The following CCDC85A variants were observed in gnomAD, a reference collection of about 807,000 sequenced individuals.
The protein encoded by CCDC85A is coiled-coil domain-containing protein 85A.
CCDC85A carries 38 observed loss-of-function variants against 50.2 expected under a neutral mutation model. The ratio of observed to expected loss-of-function variants is 0.76; its 90% CI spans 0.58 to 0.99. CCDC85A has a LOEUF of 0.99. Ranked by LOEUF, CCDC85A falls within the 50% of genes least tolerant of loss-of-function variation. CCDC85A has a pLI of 0.00. For missense variants in CCDC85A, 820 were observed against 742.0 expected, an observed-to-expected ratio of 1.11 and a Z score of -1.22; for synonymous variants, 366 against 301.4, an observed-to-expected ratio of 1.21 and a Z score of -2.22.
chr2:56,260,309 T>A (rs2104019501), intron 2 of CCDC85A, among the ~76,000 whole-genome samples: 1 of 152,312 alleles, frequency 6.6e-6, no homozygotes, highest in East Asian at 1.9e-4. Flanking sequence ...TTCCCAGGGA[T>A]CTCAGCTAGA....
At chr2:56,193,501 G>T in intron 2 of CCDC85A, 61 bp downstream of exon 2, 1 of 1,487,378 alleles carries the variant, frequency 6.7e-7, no homozygotes, top group Non-Finnish European at 9.0e-7. Flanking sequence ...AGTTACGAAT[G>T]ATGATGGACT....
intron 2 of CCDC85A, among the ~76,000 whole-genome samples, chr2:56,243,026 GTTGT>G (rs1277370084): frequency 1.3e-5 from 2 of 151,640 alleles, no homozygotes; most frequent in Non-Finnish European, 2.9e-5. Context: ...TCCTTTCTGT[GTTGT>G]TTTTTTTTCT....
chr2:56,188,382 T>A (rs1465305495), intron 1 of CCDC85A, among the ~76,000 whole-genome samples: 1 of 152,204 alleles, frequency 6.6e-6, no homozygotes, highest in Non-Finnish European at 1.5e-5. Flanking sequence ...ATCTACTCCA[T>A]CTGGAGTGCT....
chr2:56,188,069 G>C (rs1294139403), intron 1 of CCDC85A, among the ~76,000 whole-genome samples: 2 of 152,174 alleles, frequency 1.3e-5, no homozygotes, highest in African/African-American at 4.8e-5. Flanking sequence ...TTGAAATTTT[G>C]GTTGGTGTGC....
At chr2:56,307,143 C>T (rs922675721) in intron 2 of CCDC85A, among the ~76,000 whole-genome samples, 2 of 152,012 alleles carry the variant, frequency 1.3e-5, no homozygotes, top group Non-Finnish European at 1.5e-5. Context: ...AGAAACAAGC[C>T]TTTATATAGA....
intron 2 of CCDC85A, among the ~76,000 whole-genome samples, chr2:56,324,705 C>G (rs1673379342): frequency 6.6e-6 from 1 of 152,002 alleles, no homozygotes; most frequent in Admixed American, 6.6e-5. Flanking sequence ...AAGTCAACTG[C>G]TTGTATTTTC....
chr2:56,287,932 C>T (rs898802071), intron 2 of CCDC85A, among the ~76,000 whole-genome samples: 4 of 152,056 alleles, frequency 2.6e-5, no homozygotes, highest in Admixed American at 6.6e-5. Context: ...TTGAGTTTTT[C>T]GTCTTCCACA....
At chr2:56,317,115 T>TCCA (rs1462387076) in intron 2 of CCDC85A, among the ~76,000 whole-genome samples, 1 of 152,082 alleles carries the variant, frequency 6.6e-6, no homozygotes, top group African/African-American at 2.4e-5. Context: ...AGTGGAAGAT[T>TCCA]TTTCTTATCA....
intron 3 of CCDC85A, among the ~76,000 whole-genome samples, chr2:56,365,526 G>A (rs539624245): frequency 3.3e-5 from 5 of 152,108 alleles, no homozygotes; most frequent in Non-Finnish European, 7.3e-5. Context: ...AAGAATGAGT[G>A]CATAGACTAG....
intron 2 of CCDC85A, among the ~76,000 whole-genome samples, chr2:56,258,176 G>T (rs547246102): frequency 1.3e-5 from 2 of 152,264 alleles, no homozygotes; most frequent in South Asian, 4.1e-4. Flanking sequence ...CAGGTAAGAG[G>T]TGGGGGAGGC....
In CCDC85A at chr2:56,385,602, G is replaced by A. The variant is rs568729956; in HGVS notation, c.*1247G>A. 5.3e-5 allele frequency: 8 copies of A among 152,238 alleles called. No individual in the cohort carries two copies. In the South Asian group the frequency reaches 1.7e-3, roughly 32 times the overall value. 9.4% of individuals were successfully genotyped at this position (152,238 alleles called of 1,614,324 possible). On this transcript the variant is annotated 3_prime_UTR_variant, in exon 6 of 6. Transcript: ENST00000407595. ...AGTTTAAGATTATAAAAGTAGAAATGCAACAATTCCCAGTTTTTGGATAGG... is the reference window on the plus strand; with the variant it reads ...AGTTTAAGATTATAAAAGTAGAAATACAACAATTCCCAGTTTTTGGATAGG...
chr2:56,242,025 A>T (rs905720731), intron 2 of CCDC85A, among the ~76,000 whole-genome samples: 1 of 152,160 alleles, frequency 6.6e-6, no homozygotes, highest in Admixed American at 6.6e-5. Flanking sequence ...AGCCATTTTA[A>T]ATAGAGTGAG....
chr2:56,338,236 G>T (rs373630178), intron 2 of CCDC85A, among the ~76,000 whole-genome samples: 1 of 152,276 alleles, frequency 6.6e-6, no homozygotes, highest in East Asian at 1.9e-4. Context: ...GGTATAAAAT[G>T]TAATGGTCAA....
chr2:56,297,376 C>T (rs1000626729), intron 2 of CCDC85A, among the ~76,000 whole-genome samples: 1 of 147,062 alleles, frequency 6.8e-6, no homozygotes, highest in African/African-American at 2.5e-5. Context: ...TCTTTGGATA[C>T]TAGTCTTTGT....
chr2:56,323,104 T>C (rs543200096), intron 2 of CCDC85A, among the ~76,000 whole-genome samples: 69 of 151,974 alleles, frequency 4.5e-4, no homozygotes, highest in African/African-American at 1.6e-3. Context: ...TGAGAACACA[T>C]GGACACAGGG....
At chr2:56,351,569 T>C (rs1454347587) in intron 3 of CCDC85A, among the ~76,000 whole-genome samples, 3 of 142,400 alleles carry the variant, frequency 2.1e-5, no homozygotes, top group South Asian at 2.3e-4. Flanking sequence ...TGGTATCTCA[T>C]TGTGGTTTTG....
chr2:56,194,414 G>C (rs1461246821), intron 2 of CCDC85A, among the ~76,000 whole-genome samples: 3 of 152,186 alleles, frequency 2.0e-5, no homozygotes, highest in Non-Finnish European at 4.4e-5. Flanking sequence ...GGTTGAGTTG[G>C]ATCTAAAACG....
At chr2:56,251,456 C>T (rs1382953872) in intron 2 of CCDC85A, among the ~76,000 whole-genome samples, 1 of 152,188 alleles carries the variant, frequency 6.6e-6, no homozygotes, top group Non-Finnish European at 1.5e-5. Context: ...AGTCTTGACA[C>T]TTTCTTCTAC....
intron 2 of CCDC85A, among the ~76,000 whole-genome samples, chr2:56,268,764 TA>T (rs557928800): frequency 5.3e-5 from 8 of 152,078 alleles, no homozygotes; most frequent in South Asian, 2.1e-4. Context: ...TGTCCTTTAT[TA>T]AAAAAACATT....
Sources: allele counts gnomAD v4.1 joint callset (sites outside exome capture counted in the v4.1 genomes callset), GRCh38; gene constraint gnomAD v4.1.1; transcripts MANE v1.5; gene names NCBI Gene and HGNC (gene_info 2026-07-23, HGNC 2026-07-21).